Variants in ESRRB observed in about 807,000 individuals in gnomAD.
The protein encoded by ESRRB is estrogen related receptor beta.
Under a neutral mutation model 46.0 loss-of-function variants are expected in ESRRB, and 16 were observed. The ratio of observed to expected loss-of-function variants is 0.35; its 90% CI spans 0.24 to 0.53. The LOEUF (loss-of-function observed/expected upper bound fraction) is 0.53, where lower values mean the gene tolerates loss of function less well. Among genes scored for constraint, ESRRB ranks in the 20% least tolerant of loss-of-function variants. ESRRB has a pLI of 0.93. For synonymous variants in ESRRB, 246 were observed against 259.6 expected, an observed-to-expected ratio of 0.95 and a Z score of 0.50; for missense variants, 488 against 607.4, an observed-to-expected ratio of 0.80 and a Z score of 2.07.
intron 2 of ESRRB, among the ~76,000 whole-genome samples, chr14:76,450,133 G>A (rs1295854058): frequency 6.9e-6 from 1 of 143,936 alleles, no homozygotes; most frequent in Admixed American, 6.7e-5. Context: ...ACCAGAGAGT[G>A]ACTGAGAAAG....
chr14:76,467,924 A>G (rs1045526190), intron 3 of ESRRB, among the ~76,000 whole-genome samples: 3 of 151,370 alleles, frequency 2.0e-5, no homozygotes, highest in African/African-American at 7.3e-5. Flanking sequence ...TTTCTCCCCC[A>G]CTCAGCCCCT....
intron 1 of ESRRB, among the ~76,000 whole-genome samples, chr14:76,354,706 C>CTTTTT (rs59146659): frequency 9.0e-6 from 1 of 111,442 alleles, no homozygotes; most frequent in Non-Finnish European, 1.9e-5. Flanking sequence ...AGGTCCTGGG[C>CTTTTT]TTTTTTTTTT....
intron 2 of ESRRB, among the ~76,000 whole-genome samples, chr14:76,450,251 G>A (rs1888332608): frequency 6.6e-6 from 1 of 152,188 alleles, no homozygotes; most frequent in Admixed American, 6.5e-5. Context: ...GTTCCAGGCA[G>A]AGGAAAAAGC....
chr14:76,381,250 C>A (rs1359481490), intron 1 of ESRRB, among the ~76,000 whole-genome samples: 1 of 152,058 alleles, frequency 6.6e-6, no homozygotes, highest in Non-Finnish European at 1.5e-5. Flanking sequence ...AGCAGACCAG[C>A]TCTGGGGGAC....
chr14:76,411,511 A>C (rs985799074), intron 1 of ESRRB, among the ~76,000 whole-genome samples: 3 of 151,788 alleles, frequency 2.0e-5, no homozygotes, highest in African/African-American at 7.3e-5. Flanking sequence ...TCAGTTCAGT[A>C]CCCCTTTATG....
chr14:76,464,510 T>C (rs1460156952), intron 3 of ESRRB, among the ~76,000 whole-genome samples: 2 of 152,190 alleles, frequency 1.3e-5, no homozygotes, highest in African/African-American at 2.4e-5. Flanking sequence ...CTCGGCGGCC[T>C]TTGTGTCGAC....
At chr14:76,339,841 C>T (rs867950256) in intron 1 of ESRRB, among the ~76,000 whole-genome samples, 1 of 152,172 alleles carries the variant, frequency 6.6e-6, no homozygotes, top group Non-Finnish European at 1.5e-5. Context: ...CACAAAAGGA[C>T]ATATTGATTG....
chr14:76,469,941 T>TTTTTTTTTTTTTG (rs1889304228), intron 3 of ESRRB, among the ~76,000 whole-genome samples: 1 of 120,470 alleles, frequency 8.3e-6, no homozygotes, highest in African/African-American at 3.0e-5. Context: ...TTTTTTTTTT[T>TTTTTTTTTTTTTG]TTCTTTTTTT....
intron 1 of ESRRB, among the ~76,000 whole-genome samples, chr14:76,423,142 C>CT (rs397853103): frequency 0.027 from 3,094 of 112,792 alleles, 55 homozygotes; most frequent in African/African-American, 0.035. Flanking sequence ...CTTTCATAAC[C>CT]TTTTTTTTTT....
chr14:76,389,305 CCT>C (rs1885372749), intron 1 of ESRRB, among the ~76,000 whole-genome samples: 1 of 152,124 alleles, frequency 6.6e-6, no homozygotes, highest in African/African-American at 2.4e-5. Context: ...GTCTCATGCC[CCT>C]GACTGGTTTA....
At chr14:76,414,696 A>G (rs569547345) in intron 1 of ESRRB, among the ~76,000 whole-genome samples, 14 of 141,424 alleles carry the variant, frequency 9.9e-5, no homozygotes, top group African/African-American at 3.6e-4. Context: ...AAAAAAAACT[A>G]TTCTAGATTT....
intron 3 of ESRRB, among the ~76,000 whole-genome samples, chr14:76,464,700 G>A (rs1889033445): frequency 6.6e-6 from 1 of 152,210 alleles, no homozygotes; most frequent in African/African-American, 2.4e-5. Flanking sequence ...CTGTCTGTTG[G>A]TTCATTTTTG....
chr14:76,406,058 G>T (rs1886172518), intron 1 of ESRRB, among the ~76,000 whole-genome samples: 1 of 152,160 alleles, frequency 6.6e-6, no homozygotes, highest in Admixed American at 6.5e-5. Flanking sequence ...TTTTGATCTT[G>T]CATTTTTCCT....
At chr14:76,428,636 G>A (rs968113536) in intron 1 of ESRRB, among the ~76,000 whole-genome samples, 2 of 152,130 alleles carry the variant, frequency 1.3e-5, no homozygotes, top group Non-Finnish European at 2.9e-5. Flanking sequence ...CCGTGAGCCT[G>A]AGCTCATGTG....
intron 1 of ESRRB, among the ~76,000 whole-genome samples, chr14:76,422,266 A>C (rs1236888572): frequency 1.4e-5 from 2 of 139,134 alleles, no homozygotes; most frequent in Non-Finnish European, 3.0e-5. Context: ...GCTGGAGTAC[A>C]GTGGCGCAAT....
intron 1 of ESRRB, among the ~76,000 whole-genome samples, chr14:76,395,988 C>T (rs1346340640): frequency 1.3e-5 from 2 of 152,012 alleles, no homozygotes; most frequent in African/African-American, 4.8e-5. Flanking sequence ...TTCTGGCCAA[C>T]ATGGTGAAAG....
intron 1 of ESRRB, among the ~76,000 whole-genome samples, chr14:76,324,104 A>G (rs1883899878): frequency 6.6e-6 from 1 of 152,144 alleles, no homozygotes; most frequent in Non-Finnish European, 1.5e-5. Flanking sequence ...GTGTTGAGGG[A>G]GTGCTCTCTG....
At chr14:76,444,059 TTTG>T (rs1442935072) in intron 2 of ESRRB, among the ~76,000 whole-genome samples, 3 of 151,968 alleles carry the variant, frequency 2.0e-5, no homozygotes, top group Non-Finnish European at 4.4e-5. Context: ...AGATTTAGGT[TTTG>T]TTGTTGTTTT....
At chr14:76,488,421 A>G (rs1417905927) in intron 5 of ESRRB, among the ~76,000 whole-genome samples, 3 of 152,148 alleles carry the variant, frequency 2.0e-5, no homozygotes, top group Non-Finnish European at 4.4e-5. Context: ...TTCCAAGTCC[A>G]GTCTCCCTCC....
Sources: allele counts gnomAD v4.1 joint callset (sites outside exome capture counted in the v4.1 genomes callset), GRCh38; gene constraint gnomAD v4.1.1; transcripts MANE v1.5; gene names NCBI Gene and HGNC (gene_info 2026-07-23, HGNC 2026-07-21).